The following ODAD2 variants were observed in gnomAD, a reference collection of about 807,000 sequenced individuals.
ODAD2 encodes the protein outer dynein arm docking complex subunit 2.
A neutral mutation model predicts 106.8 loss-of-function variants in ODAD2; 89 were observed. The observed-to-expected ratio is 0.83, with a 90% confidence interval of 0.70 to 0.99. ODAD2 has a LOEUF of 0.99. Among genes scored for constraint, ODAD2 ranks in the 50% least tolerant of loss-of-function variants. The probability of loss-of-function intolerance (pLI) is 0.00; values close to 1 mark genes in which losing one functional copy is unlikely to be tolerated. For missense variants in ODAD2, 1,168 were observed against 1,238.5 expected (o/e 0.94, Z 0.85); for synonymous variants, 404 against 436.2 (o/e 0.93, Z 0.92).
chr10:27,900,778 G>C (rs1374082941), intron 17 of ODAD2, among the ~76,000 whole-genome samples: 1 of 152,104 alleles, frequency 6.6e-6, no homozygotes. Flanking sequence ...AGAATGAAAA[G>C]GAACGAATGA....
chr10:27,835,668 TTAAAA>T (rs1837818927), intron 19 of ODAD2, among the ~76,000 whole-genome samples: 2 of 152,160 alleles, frequency 1.3e-5, no homozygotes, highest in Non-Finnish European at 2.9e-5. Context: ...TACTGTATTC[TTAAAA>T]TAAGAGAAGT....
At position 27,879,631 on chromosome 10, in the gene ODAD2, G is replaced by A. The variant is rs186473756; in HGVS notation, c.2611-17009C>T. Among the ~76,000 whole-genome samples the A allele has an allele frequency of 9.2e-5, 14 of 152,108 alleles. No homozygotes were observed. In the East Asian group the frequency reaches 2.5e-3, roughly 27 times the overall value. Reference sequence around the variant, plus strand: ...CAAGAAAAAAATCTAACTATATGATGTATTATACTCCAAAAACAGGGAGTC... The same window carrying A: ...CAAGAAAAAAATCTAACTATATGATATATTATACTCCAAAAACAGGGAGTC... On this transcript the variant is annotated intron_variant, in intron 17 of 19. Coordinates refer to ENST00000305242, the MANE Select transcript of ODAD2 (RefSeq NM_018076.5).
intron 10 of ODAD2, 57 bp from the exon 11 acceptor site, chr10:27,945,019 C>T (rs1846790624): frequency 8.2e-6 from 13 of 1,587,688 alleles, no homozygotes; most frequent in Non-Finnish European, 1.1e-5. Context: ...CATAGAAATG[C>T]ACTAAGTAGT....
intron 17 of ODAD2, among the ~76,000 whole-genome samples, chr10:27,879,812 T>C (rs1383490081): frequency 2.6e-5 from 4 of 152,202 alleles, no homozygotes; most frequent in African/African-American, 7.2e-5. Flanking sequence ...CTGTAACTAA[T>C]CTTAATCTTT....
At chr10:27,989,347 G>T (rs1353232942) in intron 2 of ODAD2, among the ~76,000 whole-genome samples, 1 of 152,116 alleles carries the variant, frequency 6.6e-6, no homozygotes, top group Non-Finnish European at 1.5e-5. Context: ...GTAAACATCT[G>T]GGGAATAAAT....
intron 17 of ODAD2, among the ~76,000 whole-genome samples, chr10:27,906,767 A>G (rs1175915711): frequency 6.6e-6 from 1 of 152,204 alleles, no homozygotes; most frequent in Non-Finnish European, 1.5e-5. Context: ...ACAGGAACAA[A>G]AAACCAAACA....
chr10:27,915,389 A>G (rs1357294374), intron 16 of ODAD2, among the ~76,000 whole-genome samples: 4 of 152,094 alleles, frequency 2.6e-5, no homozygotes, highest in African/African-American at 9.7e-5. Context: ...TCAGACAGCC[A>G]TATTTTCACC....
chr10:27,864,305 T>C (rs147494145), intron 17 of ODAD2, among the ~76,000 whole-genome samples: 112 of 150,122 alleles, frequency 7.5e-4, no homozygotes, highest in African/African-American at 2.6e-3. Context: ...TTTGGTTTTC[T>C]TGGGGTGGCA....
intron 19 of ODAD2, among the ~76,000 whole-genome samples, chr10:27,844,430 T>C (rs752639302): frequency 6.6e-6 from 1 of 152,142 alleles, no homozygotes; most frequent in Non-Finnish European, 1.5e-5. Context: ...GCAGAGTTTC[T>C]CAACCAGGCT....
At chr10:27,901,054 A>G (rs1224137657) in intron 17 of ODAD2, among the ~76,000 whole-genome samples, 3 of 152,222 alleles carry the variant, frequency 2.0e-5, no homozygotes, top group African/African-American at 7.2e-5. Flanking sequence ...ATCTTAAGGC[A>G]GCCAGAGAGA....
At chr10:27,907,850 A>T in intron 16 of ODAD2, 73 bp from the exon 17 acceptor site, 1 of 1,004,620 alleles carries the variant, frequency 1.0e-6, no homozygotes, top group Non-Finnish European at 1.5e-6. Context: ...TGACCCACTT[A>T]TTTAATTATT....
chr10:27,941,842 C>T (rs887556736), intron 12 of ODAD2, among the ~76,000 whole-genome samples: 3 of 152,104 alleles, frequency 2.0e-5, no homozygotes, highest in African/African-American at 7.2e-5. Context: ...TCCACAGATA[C>T]TGCCCGTAAC....
chr10:27,948,922 C>T (rs1474051038), intron 10 of ODAD2, among the ~76,000 whole-genome samples: 1 of 149,950 alleles, frequency 6.7e-6, no homozygotes, highest in Non-Finnish European at 1.5e-5. Flanking sequence ...GAATGAAAGT[C>T]GCTCTCTTTC....
intron 19 of ODAD2, among the ~76,000 whole-genome samples, chr10:27,855,652 G>C (rs1382223532): frequency 1.3e-5 from 2 of 152,056 alleles, no homozygotes; most frequent in East Asian, 3.9e-4. Context: ...TTGTCCCTGT[G>C]CTAGGCTTCA....
At chr10:27,979,429 TAC>T (rs1333016076) in intron 7 of ODAD2, among the ~76,000 whole-genome samples, 1 of 133,568 alleles carries the variant, frequency 7.5e-6, no homozygotes, top group African/African-American at 3.0e-5. Context: ...AACCTAAGAA[TAC>T]ACACACACAC....
At chr10:27,941,023 C>A (rs1171898852) in intron 12 of ODAD2, among the ~76,000 whole-genome samples, 2 of 152,098 alleles carry the variant, frequency 1.3e-5, no homozygotes, top group Non-Finnish European at 2.9e-5. Context: ...CATTTCCTTC[C>A]CACAAGAAAT....
At chr10:27,917,088 G>A (rs1844442068) in intron 16 of ODAD2, among the ~76,000 whole-genome samples, 1 of 152,142 alleles carries the variant, frequency 6.6e-6, no homozygotes. Context: ...AGAATACACA[G>A]TTTTCTCTCA....
chr10:27,921,896 TTGGCTCA>T (rs1844814124), intron 16 of ODAD2, among the ~76,000 whole-genome samples: 1 of 150,102 alleles, frequency 6.7e-6, no homozygotes, highest in Non-Finnish European at 1.5e-5. Flanking sequence ...GCCGGGCGCC[TTGGCTCA>T]TGCCTGTAAT....
At position 27,997,488 on chromosome 10, in the gene ODAD2, T is replaced by C. The variant is rs1850624582; in HGVS notation, c.-39+1506A>G. 2.0e-5 allele frequency: 3 copies of C among 152,214 alleles called. No homozygotes were observed. In the South Asian group the frequency reaches 6.2e-4, roughly 32 times the overall value. The allele number at this position is 152,214 out of a possible 1,614,324, so 9.4% of individuals were successfully genotyped here. On this transcript the variant is annotated intron_variant, in intron 1 of 19. Coordinates refer to ENST00000305242, the MANE Select transcript of ODAD2 (RefSeq NM_018076.5). ...TTATGTAACGCTATGGTAGTCAACA[T>C]ACCATATAGTAACTTCTTGAAGGAC... is the stretch of plus-strand genomic sequence containing the variant.
Sources: gnomAD v4.1 joint callset for allele counts (sites outside exome capture counted in the v4.1 genomes callset) on GRCh38, gnomAD v4.1.1 for gene constraint, MANE v1.5 for transcripts, NCBI Gene and HGNC (gene_info 2026-07-23, HGNC 2026-07-21) for gene names.